Variants in NNAT observed in about 807,000 individuals in gnomAD.
NNAT encodes neuronatin.
NNAT carries 8 observed loss-of-function variants against 12.7 expected under a neutral mutation model. The ratio of observed to expected loss-of-function variants is 0.63; its 90% CI spans 0.37 to 1.14. The LOEUF (loss-of-function observed/expected upper bound fraction) is 1.14, where lower values mean the gene tolerates loss of function less well. Among genes scored for constraint, NNAT ranks in the 50% most tolerant of loss-of-function variants. NNAT has a pLI of 0.01. For synonymous variants in NNAT, 52 were observed against 48.5 expected, an observed-to-expected ratio of 1.07 and a Z score of -0.30; for missense variants, 94 against 108.3, an observed-to-expected ratio of 0.87 and a Z score of 0.59.
chr20:37,522,598 G>GGGGTGCC, intron 2 of NNAT, 69 bp from the exon 3 acceptor site: 2 of 864,466 alleles, frequency 2.3e-6, no homozygotes, highest in Non-Finnish European at 3.4e-6. Context: ...GCGGGGGTGG[G>GGGGTGCC]CACGGCAGCA....
At position 37,521,445 on chromosome 20, in the gene NNAT, C is replaced by T. The variant is rs1402796965; in HGVS notation, c.72+42C>T. 1 of 1,588,858 alleles carries T rather than the reference C, an allele frequency of 6.3e-7. No individual in the cohort carries two copies. On this transcript the variant is annotated intron_variant, in intron 1 of 2. Transcript: ENST00000649451. This position sits in a 1 kb window ranked among gnomAD's most constrained non-coding sequence, Gnocchi z 4.5. ...TTCGGGTGGGAGAGGGTTCCCAACT[C>T]GCGCCCCTAGAACCCGCAAGACTGC...
In NNAT at chr20:37,521,255, G is replaced by A. The variant is rs1420307468; in HGVS notation, c.-77G>A. ...GCGGCCACCGCGGCTGCGGCAGTGC[G>A]CCCAACAGCGGACTCCGAGACCAGC... On this transcript the variant is annotated 5_prime_UTR_variant, in exon 1 of 3. Transcript: ENST00000649451. The surrounding 1 kb of genome is among the most constrained non-coding windows in gnomAD (Gnocchi z 4.5). 1.1e-5 allele frequency: 17 copies of A among 1,485,970 alleles called. No individual in the cohort carries two copies. Among genetic ancestry groups the A allele is most frequent in the Middle Eastern group, 1.7e-4 (1 of 5,840 alleles). The allele number at this position is 1,485,970 out of a possible 1,614,324, so 92.0% of individuals were successfully genotyped here. A position where few individuals can be genotyped will look rare whatever the true frequency, so the allele number is the denominator to read the frequency against.
In NNAT at chr20:37,521,295, CCT is replaced by C. The variant is rs748343748; in HGVS notation, c.-34_-33del. On this transcript the variant is annotated 5_prime_UTR_variant, in exon 1 of 3. Transcript: ENST00000649451. This position sits in a 1 kb window ranked among gnomAD's most constrained non-coding sequence, Gnocchi z 4.5. ...CCGAGACCAGCGGATCTCGGCAAAC[CCT>C]CTTTCTCGACCACCCACCTACCATT... The C allele has an allele frequency of 1.2e-6, 2 of 1,609,224 alleles. No homozygotes were observed. The highest frequency in any genetic ancestry group is 1.1e-5 in the South Asian group (1 of 90,980).
chr20:37,521,485 T>C lies in NNAT; in HGVS notation c.72+82T>C, dbSNP rs2071570611. On this transcript the variant is annotated intron_variant, in intron 1 of 2. Coordinates refer to ENST00000649451, the MANE Select transcript of NNAT (RefSeq NM_005386.4). This position sits in a 1 kb window ranked among gnomAD's most constrained non-coding sequence, Gnocchi z 4.5. Reference sequence around the variant, plus strand: ...CGCAAGACTGCGTCGCGATTGCCGCTTCCCGGACCCGTCCTATTCCGATTG... The same window carrying C: ...CGCAAGACTGCGTCGCGATTGCCGCCTCCCGGACCCGTCCTATTCCGATTG... 1 of 1,366,540 alleles carries C rather than the reference T, an allele frequency of 7.3e-7. No homozygotes were observed. Among genetic ancestry groups the C allele is most frequent in the Admixed American group, 1.7e-5 (1 of 59,438 alleles). 84.7% of individuals were successfully genotyped at this position (1,366,540 alleles called of 1,614,324 possible). A position where few individuals can be genotyped will look rare whatever the true frequency, so the allele number is the denominator to read the frequency against.
In NNAT at chr20:37,521,426, T is replaced by C; in HGVS notation, c.72+23T>C. Reference sequence around the variant, plus strand: ...CAGGTAAGTCTGACGGGGTTTCGGGTGGGAGAGGGTTCCCAACTCGCGCCC... The same window carrying C: ...CAGGTAAGTCTGACGGGGTTTCGGGCGGGAGAGGGTTCCCAACTCGCGCCC... On this transcript the variant is annotated intron_variant, in intron 1 of 2. Transcript: ENST00000649451. The surrounding 1 kb of genome is among the most constrained non-coding windows in gnomAD (Gnocchi z 4.5). 6.2e-7 allele frequency: 1 copy of C among 1,612,446 alleles called. No individual in the cohort carries two copies. The highest frequency in any genetic ancestry group is 8.5e-7 in the Non-Finnish European group (1 of 1,178,524).
In NNAT at chr20:37,522,813, C is replaced by A; in HGVS notation, c.*54C>A. ...TATCATCAGGTGCTCCTGTGCATCT[C>A]GGCCAGCACGGGAGCCAGTGCCGCG... is the stretch of plus-strand genomic sequence containing the variant. On this transcript the variant is annotated 3_prime_UTR_variant, in exon 3 of 3. Coordinates refer to ENST00000649451, the MANE Select transcript of NNAT (RefSeq NM_005386.4). The A allele has an allele frequency of 6.8e-7, 1 of 1,479,060 alleles. No individual in the cohort carries two copies. Among genetic ancestry groups the A allele is most frequent in the East Asian group, 2.4e-5 (1 of 40,828 alleles). 91.6% of individuals were successfully genotyped at this position (1,479,060 alleles called of 1,614,324 possible).
Position 37,521,817 on chromosome 20 carries a change from T to G in NNAT, c.72+414T>G, listed in dbSNP as rs1279679513. The G allele has an allele frequency of 6.1e-6, 1 of 163,384 alleles. No individual in the cohort carries two copies. Among genetic ancestry groups the G allele is most frequent in the African/African-American group, 2.4e-5 (1 of 41,670 alleles). 10.1% of individuals were successfully genotyped at this position (163,384 alleles called of 1,614,324 possible). Reference sequence around the variant, plus strand: ...AAAATTGCGCATTGCGGAGAAATTTTATTTAAAAAAACATATAGCGCTTGC... The same window carrying G: ...AAAATTGCGCATTGCGGAGAAATTTGATTTAAAAAAACATATAGCGCTTGC... On this transcript the variant is annotated intron_variant, in intron 1 of 2. Transcript: ENST00000649451. This position sits in a 1 kb window ranked among gnomAD's most constrained non-coding sequence, Gnocchi z 4.5.
At chr20:37,522,598 G>GGGGGGGGCCC in intron 2 of NNAT, 69 bp from the exon 3 acceptor site, 1 of 864,420 alleles carries the variant, frequency 1.2e-6, no homozygotes, top group African/African-American at 1.8e-5. Context: ...GCGGGGGTGG[G>GGGGGGGGCCC]CACGGCAGCA....
In NNAT at chr20:37,523,101, G is replaced by GCCATGCCAGCAGGC. The variant is rs2071646719; in HGVS notation, c.*345_*358dup. 4.0e-6 allele frequency: 1 copy of GCCATGCCAGCAGGC among 251,218 alleles called. No individual in the cohort carries two copies. Among genetic ancestry groups the GCCATGCCAGCAGGC allele is most frequent in the Admixed American group, 5.4e-5 (1 of 18,478 alleles). 15.6% of individuals were successfully genotyped at this position (251,218 alleles called of 1,614,324 possible). On this transcript the variant is annotated 3_prime_UTR_variant, in exon 3 of 3. Transcript: ENST00000649451. ...GCACCATCCCAGCCCCGAAGCCAGG[G>GCCATGCCAGCAGGC]CCATGCCAGCAGGCCCCACCATGGA...
chr20:37,522,928 G>A lies in NNAT; in HGVS notation c.*169G>A, dbSNP rs2071638906. ...AGTAGACCCCCGGAGAAGCAGTACC[G>A]ACAATGACGAAGATACCAGATCCCT... is the stretch of plus-strand genomic sequence containing the variant. On this transcript the variant is annotated 3_prime_UTR_variant, in exon 3 of 3. Transcript: ENST00000649451. The A allele has an allele frequency of 3.4e-6, 2 of 592,618 alleles. No individual in the cohort carries two copies. The highest frequency in any genetic ancestry group is 4.2e-5 in the South Asian group (2 of 47,124). The allele number at this position is 592,618 out of a possible 1,614,324, so 36.7% of individuals were successfully genotyped here.
In NNAT at chr20:37,521,291, A is replaced by C; in HGVS notation, c.-41A>C. The C allele has an allele frequency of 6.2e-7, 1 of 1,607,532 alleles. No homozygotes were observed. The highest frequency in any genetic ancestry group is 8.5e-7 in the Non-Finnish European group (1 of 1,174,244). ...GACTCCGAGACCAGCGGATCTCGGC[A>C]AACCCTCTTTCTCGACCACCCACCT... is the stretch of plus-strand genomic sequence containing the variant. On this transcript the variant is annotated 5_prime_UTR_variant, in exon 1 of 3. Transcript: ENST00000649451. The surrounding 1 kb of genome is among the most constrained non-coding windows in gnomAD (Gnocchi z 4.5).
intron 1 of NNAT, among the ~76,000 whole-genome samples, 169 bp from the exon 2 acceptor site, chr20:37,522,189 A>T (rs1206201761): frequency 9.5e-5 from 7 of 73,682 alleles, no homozygotes; most frequent in East Asian, 5.1e-4. Context: ...ACAAAAAAAA[A>T]AATAATAATA....
Position 37,522,608 on chromosome 20 carries a change from A to C in NNAT, c.154-59A>C, listed in dbSNP as rs560267255. ...GTGGGGCGGGGGTGGGCACGGCAGC[A>C]CCACAGACATGCTGTGGGTGCTCTC... is the stretch of plus-strand genomic sequence containing the variant. On this transcript the variant is annotated intron_variant, in intron 2 of 2. Transcript: ENST00000649451. 14 of 1,511,482 alleles carry C rather than the reference A, an allele frequency of 9.3e-6. No individual in the cohort carries two copies. The East Asian group carries it at 3.4e-4, about 37-fold the overall frequency. The allele number at this position is 1,511,482 out of a possible 1,614,324, so 93.6% of individuals were successfully genotyped here. A position where few individuals can be genotyped will look rare whatever the true frequency, so the allele number is the denominator to read the frequency against.
At chr20:37,522,486 A>G (rs1179874608) in intron 2 of NNAT, 48 bp downstream of exon 2, 2 of 1,566,408 alleles carry the variant, frequency 1.3e-6, no homozygotes, top group East Asian at 4.5e-5. Flanking sequence ...TGCAGCTCTC[A>G]GCACAGTTGG....
Position 37,521,642 on chromosome 20 carries a change from C to T in NNAT, c.72+239C>T, listed in dbSNP as rs1601091670. The T allele has an allele frequency of 1.1e-5, 6 of 525,842 alleles. No individual in the cohort carries two copies. Among genetic ancestry groups the T allele is most frequent in the South Asian group, 6.5e-5 (3 of 46,136 alleles). 32.6% of individuals were successfully genotyped at this position (525,842 alleles called of 1,614,324 possible). A position where few individuals can be genotyped will look rare whatever the true frequency, so the allele number is the denominator to read the frequency against. On this transcript the variant is annotated intron_variant, in intron 1 of 2. Coordinates refer to ENST00000649451, the MANE Select transcript of NNAT (RefSeq NM_005386.4). This position sits in a 1 kb window ranked among gnomAD's most constrained non-coding sequence, Gnocchi z 4.5. ...CAGGGAACAAAGACTCGGGGCGCGGCGGGCGACCGCTGCGGACGATCACCC... is the reference window on the plus strand; with the variant it reads ...CAGGGAACAAAGACTCGGGGCGCGGTGGGCGACCGCTGCGGACGATCACCC...
At position 37,522,822 on chromosome 20, in the gene NNAT, C is replaced by A; in HGVS notation, c.*63C>A. On this transcript the variant is annotated 3_prime_UTR_variant, in exon 3 of 3. Transcript: ENST00000649451. ...GTGCTCCTGTGCATCTCGGCCAGCA[C>A]GGGAGCCAGTGCCGCGCAGGAATGT... The A allele has an allele frequency of 1.4e-6, 2 of 1,450,010 alleles. No homozygotes were observed. The highest frequency in any genetic ancestry group is 1.3e-5 in the South Asian group (1 of 78,314). 89.8% of individuals were successfully genotyped at this position (1,450,010 alleles called of 1,614,324 possible).
In NNAT at chr20:37,523,062, A is replaced by G. The variant is rs1229217952; in HGVS notation, c.*303A>G. 1 of 348,232 alleles carries G rather than the reference A, an allele frequency of 2.9e-6. No homozygotes were observed. The highest frequency in any genetic ancestry group is 5.2e-6 in the Non-Finnish European group (1 of 191,942). 21.6% of individuals were successfully genotyped at this position (348,232 alleles called of 1,614,324 possible). On this transcript the variant is annotated 3_prime_UTR_variant, in exon 3 of 3. Transcript: ENST00000649451. ...GCATAGGCACCGCATTCTGATCTGGACAAAGTCGGGACAGCACCATCCCAG... is the reference window on the plus strand; with the variant it reads ...GCATAGGCACCGCATTCTGATCTGGGCAAAGTCGGGACAGCACCATCCCAG...
chr20:37,522,065 CGGAAA>C (rs2071598315), intron 1 of NNAT, among the ~76,000 whole-genome samples: 1 of 146,248 alleles, frequency 6.8e-6, no homozygotes, highest in African/African-American at 2.5e-5. Context: ...AGGGAGCTAA[CGGAAA>C]AAAATGGATC....
Position 37,521,270 on chromosome 20 carries a change from C to A in NNAT, c.-62C>A, listed in dbSNP as rs915187802. On this transcript the variant is annotated 5_prime_UTR_variant, in exon 1 of 3. Transcript: ENST00000649451. The surrounding 1 kb of genome is among the most constrained non-coding windows in gnomAD (Gnocchi z 4.5). ...GCGGCAGTGCGCCCAACAGCGGACT[C>A]CGAGACCAGCGGATCTCGGCAAACC... 6.4e-7 allele frequency: 1 copy of A among 1,570,722 alleles called. No homozygotes were observed. Among genetic ancestry groups the A allele is most frequent in the Non-Finnish European group, 8.8e-7 (1 of 1,141,060 alleles).
Sources: allele counts gnomAD v4.1 joint callset (sites outside exome capture counted in the v4.1 genomes callset), GRCh38; gene constraint gnomAD v4.1.1; non-coding constraint Gnocchi (gnomAD v3.1); transcripts MANE v1.5; gene names NCBI Gene and HGNC (gene_info 2026-07-23, HGNC 2026-07-21).